The following ABCA4 variants were observed in gnomAD, a reference collection of about 807,000 sequenced individuals.
ABCA4 encodes the protein retinal-specific phospholipid-transporting ATPase ABCA4.
Under a neutral mutation model 263.7 loss-of-function variants are expected in ABCA4, and 196 were observed. That is an observed-to-expected ratio of 0.74 (90% confidence interval 0.66 to 0.84). The LOEUF (loss-of-function observed/expected upper bound fraction) is 0.84, where lower values mean the gene tolerates loss of function less well. ABCA4 is among the 40% of genes least tolerant of loss of function. The pLI is 0.00. For missense variants in ABCA4, 2,792 were observed against 2,855.1 expected, an observed-to-expected ratio of 0.98 and a Z score of 0.50; for synonymous variants, 1,133 against 1,094.2, an observed-to-expected ratio of 1.04 and a Z score of -0.70.
At chr1:93,999,052 A>C (rs1344527021) in intron 47 of ABCA4, among the ~76,000 whole-genome samples, 1 of 147,460 alleles carries the variant, frequency 6.8e-6, no homozygotes, top group Non-Finnish European at 1.5e-5. Flanking sequence ...CGCCCAGCCT[A>C]TTTTATTTTT....
intron 17 of ABCA4, among the ~76,000 whole-genome samples, chr1:94,050,002 G>C (rs1343044695): frequency 6.6e-6 from 1 of 152,192 alleles, no homozygotes; most frequent in African/African-American, 2.4e-5. Context: ...AGGGCTCTCG[G>C]CCTCAAGTGC....
At chr1:94,027,947 G>A (rs947369330) in intron 30 of ABCA4, among the ~76,000 whole-genome samples, 2 of 152,176 alleles carry the variant, frequency 1.3e-5, no homozygotes, top group East Asian at 1.9e-4. Context: ...CACCACCCAC[G>A]TAGACTTTTA....
At chr1:94,035,119 T>C (rs1249336220) in intron 26 of ABCA4, among the ~76,000 whole-genome samples, 2 of 152,252 alleles carry the variant, frequency 1.3e-5, no homozygotes, top group Admixed American at 1.3e-4. Context: ...TCCTGTTCTA[T>C]GCCTATGCTG....
rs1192886414 is a variant in ABCA4 at position 94,005,569 on chromosome 1, T to C, written c.6019A>G (p.Ile2007Val). 2 of 1,613,960 alleles carry C rather than the reference T, an allele frequency of 1.2e-6. No individual in the cohort carries two copies. The highest frequency in any genetic ancestry group is 1.7e-6 in the Non-Finnish European group (2 of 1,179,896). The part of the protein sequence containing the change: ...TVAGKSILTN[I>V]SEVHQNMGYC... Reference sequence around the variant, plus strand: ...CCCATATTTTGATGGACTTCAGAAATATTGGTTAAAATACTGCAAGAAAAA... The same window carrying C: ...CCCATATTTTGATGGACTTCAGAAACATTGGTTAAAATACTGCAAGAAAAA... The change falls in exon 44 of 50, where the codon ATT becomes GTT. Residue 2007 changes from isoleucine to valine, a missense_variant. Coordinates refer to ENST00000370225, the MANE Select transcript of ABCA4 (RefSeq NM_000350.3).
chr1:94,049,585 C>A (rs932019866), intron 17 of ABCA4, among the ~76,000 whole-genome samples: 1 of 152,166 alleles, frequency 6.6e-6, no homozygotes, highest in Non-Finnish European at 1.5e-5. Flanking sequence ...GATAGTGCCA[C>A]TGCACTCCAG....
At chr1:93,994,059 A>G (rs1658936373) in intron 49 of ABCA4, among the ~76,000 whole-genome samples, 1 of 152,214 alleles carries the variant, frequency 6.6e-6, no homozygotes, top group African/African-American at 2.4e-5. Context: ...GGCTGAGGGT[A>G]CTTCAGAAAC....
chr1:93,999,043 G>A (rs573004461), intron 47 of ABCA4, among the ~76,000 whole-genome samples: 21 of 147,130 alleles, frequency 1.4e-4, no homozygotes, highest in Middle Eastern at 3.8e-3. Flanking sequence ...GAGCCACCAC[G>A]CCCAGCCTAT....
intron 48 of ABCA4, 75 bp downstream of exon 48, chr1:93,997,786 T>TA (rs1266199950): frequency 6.3e-7 from 1 of 1,596,784 alleles, no homozygotes; most frequent in Non-Finnish European, 8.6e-7. Flanking sequence ...GCCTCCCTCT[T>TA]ATGGCAATTC....
chr1:94,087,874 G>T (rs550585760), intron 6 of ABCA4, among the ~76,000 whole-genome samples: 1 of 152,178 alleles, frequency 6.6e-6, no homozygotes, highest in African/African-American at 2.4e-5. Context: ...CCTTCATGGG[G>T]TTTACCTCCA....
Position 94,070,545 on chromosome 1 carries a change from C to A in ABCA4, c.1554+7145G>T, listed in dbSNP as rs146734969. 9.2e-5 allele frequency among the ~76,000 whole-genome samples: 14 copies of A among 152,312 alleles called. No homozygotes were observed. The East Asian group carries it at 2.7e-3, about 29-fold the overall frequency. ...ATTTATGAGCGTCTATTCTATGTGA[C>A]TACAGCTCCACTAAGGTAAGTTGGG... On this transcript the variant is annotated intron_variant, in intron 11 of 49. Transcript: ENST00000370225.
chr1:94,086,947 T>A (rs1557798519), intron 6 of ABCA4, among the ~76,000 whole-genome samples: 1 of 152,122 alleles, frequency 6.6e-6, no homozygotes, highest in Non-Finnish European at 1.5e-5. Context: ...TTCCCACAGA[T>A]CTGGCAGCTG....
Position 94,103,010 on chromosome 1 carries a change from C to T in ABCA4, c.570+5G>A. The T allele has an allele frequency of 6.2e-7, 1 of 1,614,174 alleles. No homozygotes were observed. The highest frequency in any genetic ancestry group is 1.1e-5 in the South Asian group (1 of 91,080). ...AGGGACCACTGGCCAGTGACATCCCCCTACCTGCTCTGGACGGACTTGAGA... is the reference window on the plus strand; with the variant it reads ...AGGGACCACTGGCCAGTGACATCCCTCTACCTGCTCTGGACGGACTTGAGA... On this transcript the variant is annotated splice_donor_5th_base_variant and intron_variant, in intron 5 of 49. Coordinates refer to ENST00000370225, the MANE Select transcript of ABCA4 (RefSeq NM_000350.3).
At chr1:94,093,755 T>C (rs1662039683) in intron 6 of ABCA4, among the ~76,000 whole-genome samples, 1 of 152,246 alleles carries the variant, frequency 6.6e-6, no homozygotes, top group African/African-American at 2.4e-5. Flanking sequence ...GTAGGCTCAA[T>C]GTGCACGAAG....
At chr1:94,045,676 GA>G (rs1660651246) in intron 19 of ABCA4, 1 of 447,912 alleles carries the variant, frequency 2.2e-6, no homozygotes, top group Non-Finnish European at 4.5e-6. Context: ...TCCTGATGGA[GA>G]AGCCGAAATC....
chr1:94,060,805 G>T (rs1242515844), intron 13 of ABCA4, 46 bp from the exon 14 acceptor site: 2 of 1,414,642 alleles, frequency 1.4e-6, no homozygotes, highest in Non-Finnish European at 2.0e-6. Context: ...CTCTGTACCT[G>T]GTAGAGGCAG....
In ABCA4 at chr1:94,001,884, T is replaced by C. The variant is rs1286313373; in HGVS notation, c.6256A>G (p.Ile2086Val). Reference protein sequence around the residue: ...KRKLSTAIALIGCPPLVLLDE... With the variant: ...KRKLSTAIALVGCPPLVLLDE... ...AGCAGCACCAGCGGTGGGCAGCCAA[T>C]GAGTGCGATGGCTGTGGAGAGTTTC... Residue 2086 changes from isoleucine to valine, a missense_variant, in exon 45 of 50, where the codon ATT becomes GTT. Coordinates refer to ENST00000370225, the MANE Select transcript of ABCA4 (RefSeq NM_000350.3). 1.9e-6 allele frequency: 3 copies of C among 1,614,090 alleles called. No homozygotes were observed. Among genetic ancestry groups the C allele is most frequent in the African/African-American group, 1.3e-5 (1 of 74,932 alleles).
chr1:94,094,777 G>A (rs1317521743), intron 6 of ABCA4, among the ~76,000 whole-genome samples: 1 of 152,194 alleles, frequency 6.6e-6, no homozygotes, highest in Non-Finnish European at 1.5e-5. Context: ...AGGAGGAGGG[G>A]AAGGAGAAGG....
intron 11 of ABCA4, among the ~76,000 whole-genome samples, chr1:94,072,323 T>C (rs1661420859): frequency 6.6e-6 from 1 of 152,268 alleles, no homozygotes; most frequent in South Asian, 2.1e-4. Context: ...TACAATTTTA[T>C]GCCTTGATCA....
intron 11 of ABCA4, among the ~76,000 whole-genome samples, chr1:94,072,406 T>C (rs1028601654): frequency 5.2e-4 from 79 of 152,310 alleles, no homozygotes; most frequent in African/African-American, 1.8e-3. Flanking sequence ...ATTCAAGACC[T>C]GAAAATCAAA....
Sources: gnomAD v4.1 joint callset for allele counts (sites outside exome capture counted in the v4.1 genomes callset) on GRCh38, gnomAD v4.1.1 for gene constraint, MANE v1.5 for transcripts, NCBI Gene and HGNC (gene_info 2026-07-23, HGNC 2026-07-21) for gene names.